Variants in DOK6 observed in about 807,000 individuals in gnomAD.
DOK6 encodes the protein downstream of tyrosine kinase 6.
In DOK6, 22 loss-of-function variants were observed where a neutral mutation model predicts 44.0. That is an observed-to-expected ratio of 0.50 (90% CI 0.36 to 0.71). The LOEUF is 0.71. Ranked by LOEUF, DOK6 falls within the 30% of genes least tolerant of loss-of-function variation. DOK6 has a pLI of 0.00. For synonymous variants in DOK6, 166 were observed against 145.5 expected, an observed-to-expected ratio of 1.14 and a Z score of -1.01; for missense variants, 340 against 416.4, an observed-to-expected ratio of 0.82 and a Z score of 1.60.
At chr18:69,443,533 A>G (rs780780164) in intron 1 of DOK6, among the ~76,000 whole-genome samples, 5 of 152,186 alleles carry the variant, frequency 3.3e-5, no homozygotes, top group Non-Finnish European at 5.9e-5. Context: ...CTTGTAGCCT[A>G]TAAGAGAGTA....
intron 3 of DOK6, among the ~76,000 whole-genome samples, chr18:69,613,626 T>C (rs1327334078): frequency 6.6e-6 from 1 of 151,746 alleles, no homozygotes; most frequent in East Asian, 1.9e-4. Flanking sequence ...ATTTCTCTTA[T>C]AAAAAAAATA....
intron 1 of DOK6, among the ~76,000 whole-genome samples, chr18:69,495,253 G>T (rs1209696456): frequency 2.0e-5 from 3 of 152,332 alleles, no homozygotes; most frequent in East Asian, 3.9e-4. Flanking sequence ...TCTGGAGAGG[G>T]CCACAGCTCT....
chr18:69,800,699 A>G (rs561525837), intron 7 of DOK6, among the ~76,000 whole-genome samples: 17 of 152,272 alleles, frequency 1.1e-4, no homozygotes, highest in African/African-American at 3.8e-4. Context: ...GGTTCATATC[A>G]CATGCCCTTA....
chr18:69,413,936 A>G (rs552613973), intron 1 of DOK6, among the ~76,000 whole-genome samples: 12 of 152,054 alleles, frequency 7.9e-5, no homozygotes, highest in African/African-American at 2.4e-4. Context: ...GGCAAAGGAC[A>G]TGAACATACA....
intron 3 of DOK6, among the ~76,000 whole-genome samples, chr18:69,667,678 C>T (rs1985695089): frequency 6.6e-6 from 1 of 152,198 alleles, no homozygotes; most frequent in African/African-American, 2.4e-5. Context: ...GCATATTGCA[C>T]ATTTTTCTGG....
intron 7 of DOK6, among the ~76,000 whole-genome samples, chr18:69,774,139 T>TATATATATATATATATATATATAG (rs1568122499): frequency 8.3e-5 from 10 of 119,860 alleles, no homozygotes; most frequent in Admixed American, 4.1e-4. Context: ...ATGAGATATA[T>TATATATATATATATATATATATAG]ATATATATAT....
At chr18:69,645,021 T>A (rs2144657306) in intron 3 of DOK6, among the ~76,000 whole-genome samples, 1 of 152,378 alleles carries the variant, frequency 6.6e-6, no homozygotes, top group South Asian at 2.1e-4. Context: ...TAGAGAGAGC[T>A]CTTGCATACC....
At chr18:69,665,928 T>C (rs1283168081) in intron 3 of DOK6, among the ~76,000 whole-genome samples, 2 of 152,156 alleles carry the variant, frequency 1.3e-5, no homozygotes, top group African/African-American at 2.4e-5. Context: ...GAACCATTTC[T>C]CTATTAAGCA....
At chr18:69,503,109 A>G (rs146582758) in intron 1 of DOK6, among the ~76,000 whole-genome samples, 1 of 152,134 alleles carries the variant, frequency 6.6e-6, no homozygotes, top group African/African-American at 2.4e-5. Flanking sequence ...AATAGGTTGT[A>G]TGATTTTATT....
At chr18:69,538,261 A>G (rs1303612034) in intron 1 of DOK6, among the ~76,000 whole-genome samples, 1 of 152,216 alleles carries the variant, frequency 6.6e-6, no homozygotes, top group Non-Finnish European at 1.5e-5. Flanking sequence ...TATTTTGAAT[A>G]CTAGGGAGAC....
chr18:69,504,788 C>A (rs1420375740), intron 1 of DOK6, among the ~76,000 whole-genome samples: 1 of 152,092 alleles, frequency 6.6e-6, no homozygotes, highest in Non-Finnish European at 1.5e-5. Flanking sequence ...ATTCAGAAAT[C>A]TTGTGATCTA....
At chr18:69,509,683 G>A (rs918613623) in intron 1 of DOK6, among the ~76,000 whole-genome samples, 1 of 135,064 alleles carries the variant, frequency 7.4e-6, no homozygotes, top group Admixed American at 7.7e-5. Context: ...CAGAATATTT[G>A]TACTTTCTGT....
chr18:69,610,407 A>ACATT (rs1310356630), intron 3 of DOK6, among the ~76,000 whole-genome samples: 1 of 152,198 alleles, frequency 6.6e-6, no homozygotes, highest in East Asian at 1.9e-4. Context: ...AGGTACAAGA[A>ACATT]CATTAAGTAC....
chr18:69,780,898 G>A (rs1980243967), intron 7 of DOK6, among the ~76,000 whole-genome samples: 1 of 152,276 alleles, frequency 6.6e-6, no homozygotes, highest in East Asian at 1.9e-4. Flanking sequence ...ACACCAAGAT[G>A]TGGATATTTA....
intron 1 of DOK6, among the ~76,000 whole-genome samples, chr18:69,424,148 G>A (rs538366597): frequency 5.8e-4 from 89 of 152,256 alleles, no homozygotes; most frequent in African/African-American, 1.9e-3. Flanking sequence ...TAATGCAAAT[G>A]TGCAAGAGTT....
intron 7 of DOK6, among the ~76,000 whole-genome samples, chr18:69,808,752 A>G (rs1293444371): frequency 1.3e-5 from 2 of 151,856 alleles, no homozygotes; most frequent in Non-Finnish European, 3.0e-5. Flanking sequence ...GAAATAGAAA[A>G]TGTGAACAGA....
rs971846924 is a variant in DOK6, at chr18:69,487,215, GTGTGTGTCTGTC to G, written c.67-77264_67-77253del. On this transcript the variant is annotated intron_variant, in intron 1 of 7. Transcript: ENST00000382713. Reference sequence around the variant, plus strand: ...TGTGTGTGTGTGTGTGTGTGTGTGTGTGTGTGTCTGTCTGTGTGTGTGTGTGTGTTGGGGGGT... The same window carrying G: ...TGTGTGTGTGTGTGTGTGTGTGTGTGTGTGTGTGTGTGTGTGTTGGGGGGT... Among the ~76,000 whole-genome samples, 10 of 145,272 alleles carry G rather than the reference GTGTGTGTCTGTC, an allele frequency of 6.9e-5. No individual in the cohort carries two copies. In the East Asian group the frequency reaches 8.1e-4, roughly 12 times the overall value.
At chr18:69,734,310 GT>G (rs1321027882) in intron 5 of DOK6, among the ~76,000 whole-genome samples, 2 of 120,368 alleles carry the variant, frequency 1.7e-5, no homozygotes, top group East Asian at 5.8e-4. Flanking sequence ...CTGTACTGTT[GT>G]TTTTTACAAG....
intron 5 of DOK6, among the ~76,000 whole-genome samples, chr18:69,733,152 C>T (rs537089569): frequency 1.3e-5 from 2 of 151,544 alleles, no homozygotes; most frequent in African/African-American, 4.9e-5. Flanking sequence ...TATGCCTCTG[C>T]GCTCCAGCCT....
Sources: allele counts gnomAD v4.1 joint callset (sites outside exome capture counted in the v4.1 genomes callset), GRCh38; gene constraint gnomAD v4.1.1; transcripts MANE v1.5; gene names NCBI Gene and HGNC (gene_info 2026-07-23, HGNC 2026-07-21).